Variants in BMAL1 observed in about 807,000 individuals in gnomAD.
BMAL1 encodes basic helix-loop-helix ARNT like 1, also known as basic helix-loop-helix ARNT-like protein 1.
chr11:13,356,703 AT>A, the BMAL1 span: 1 of 1,613,170 alleles, frequency 6.2e-7, no homozygotes, highest in Non-Finnish European at 8.5e-7. Context: ...GTATGTCTTT[AT>A]TAACATGCAG....
the BMAL1 span, among the ~76,000 whole-genome samples, chr11:13,302,189 G>T: frequency 6.6e-6 from 1 of 152,154 alleles, no homozygotes; most frequent in African/African-American, 2.4e-5. Context: ...TGTCAGTGAG[G>T]CCCAGAGCTG....
chr11:13,381,857 A>T, the BMAL1 span, among the ~76,000 whole-genome samples: 5 of 152,236 alleles, frequency 3.3e-5, no homozygotes, highest in Admixed American at 1.3e-4. Context: ...GAGAACTTAT[A>T]AGCCTAGGCC....
At chr11:13,382,798 A>G in the BMAL1 span, among the ~76,000 whole-genome samples, 1 of 152,196 alleles carries the variant, frequency 6.6e-6, no homozygotes, top group African/African-American at 2.4e-5. Flanking sequence ...GACAAGATCC[A>G]GGCTCCTCAG....
chr11:13,379,513 C>T, the BMAL1 span: 2 of 152,076 alleles, frequency 1.3e-5, no homozygotes, highest in Non-Finnish European at 2.9e-5. Flanking sequence ...AGGTTCAAAC[C>T]CTATACTTTG....
At chr11:13,372,815 AAAAAG>A in the BMAL1 span, among the ~76,000 whole-genome samples, 1 of 152,192 alleles carries the variant, frequency 6.6e-6, no homozygotes, top group African/African-American at 2.4e-5. Context: ...TGTTTCAAAA[AAAAAG>A]AGACAAATGA....
At chr11:13,322,441 C>A in the BMAL1 span, among the ~76,000 whole-genome samples, 422 of 152,302 alleles carry the variant, frequency 2.8e-3, 3 homozygotes, top group African/African-American at 9.0e-3. Flanking sequence ...AATGACAGCA[C>A]CTTATTTTTT....
chr11:13,312,022 A>G, the BMAL1 span, among the ~76,000 whole-genome samples: 1 of 152,154 alleles, frequency 6.6e-6, no homozygotes, highest in African/African-American at 2.4e-5. Flanking sequence ...TTTTGAGTGT[A>G]CCTTCTTTGG....
At chr11:13,310,574 C>T in the BMAL1 span, among the ~76,000 whole-genome samples, 4 of 152,108 alleles carry the variant, frequency 2.6e-5, no homozygotes, top group Admixed American at 6.5e-5. Flanking sequence ...TTTTTGGCTT[C>T]GTAGGCCATG....
the BMAL1 span, among the ~76,000 whole-genome samples, chr11:13,310,775 TAG>T: frequency 6.6e-6 from 1 of 152,226 alleles, no homozygotes; most frequent in East Asian, 1.9e-4. Flanking sequence ...CTAAGGCACA[TAG>T]ACTTTATCCT....
the BMAL1 span, among the ~76,000 whole-genome samples, chr11:13,323,990 T>C: frequency 6.6e-6 from 1 of 152,266 alleles, no homozygotes; most frequent in Non-Finnish European, 1.5e-5. Context: ...TCAATACATA[T>C]AATCTGTAGT....
the BMAL1 span, chr11:13,365,577 C>A: frequency 1.9e-6 from 3 of 1,613,492 alleles, no homozygotes; most frequent in Non-Finnish European, 2.5e-6. Context: ...TCTTCAAGAT[C>A]CTCAACTACA....
the BMAL1 span, among the ~76,000 whole-genome samples, chr11:13,334,959 G>A: frequency 3.3e-5 from 5 of 152,222 alleles, no homozygotes; most frequent in African/African-American, 1.2e-4. Context: ...CTCTTTGTGA[G>A]TTGCTTTCCA....
chr11:13,279,904 T>C, the BMAL1 span, among the ~76,000 whole-genome samples: 2 of 152,204 alleles, frequency 1.3e-5, no homozygotes, highest in African/African-American at 2.4e-5. Flanking sequence ...ACAGATCTGG[T>C]AGAAAAGCAC....
chr11:13,310,010 G>C, the BMAL1 span: 1 of 152,638 alleles, frequency 6.6e-6, no homozygotes, highest in Admixed American at 6.5e-5. Flanking sequence ...GAGTGTATAC[G>C]TTTGGACCCA....
At chr11:13,300,701 C>T in the BMAL1 span, among the ~76,000 whole-genome samples, 7 of 152,036 alleles carry the variant, frequency 4.6e-5, no homozygotes, top group East Asian at 5.8e-4. Context: ...ATAAGATTTC[C>T]GAGAAAAAAC....
the BMAL1 span, among the ~76,000 whole-genome samples, chr11:13,315,138 G>A: frequency 1.3e-5 from 2 of 152,164 alleles, no homozygotes; most frequent in Non-Finnish European, 2.9e-5. Context: ...GAGGTGTCCT[G>A]CAGACCAGGA....
At chr11:13,344,635 G>C in the BMAL1 span, among the ~76,000 whole-genome samples, 1 of 152,196 alleles carries the variant, frequency 6.6e-6, no homozygotes, top group African/African-American at 2.4e-5. Context: ...ATTCAGTGAA[G>C]GTCTTCTAAA....
the BMAL1 span, among the ~76,000 whole-genome samples, chr11:13,370,185 A>G: frequency 6.6e-6 from 1 of 152,094 alleles, no homozygotes; most frequent in East Asian, 1.9e-4. Flanking sequence ...ATGAAACCAC[A>G]TTCTTCTTCC....
the BMAL1 span, chr11:13,355,286 A>T: frequency 3.1e-6 from 5 of 1,613,920 alleles, no homozygotes; most frequent in African/African-American, 6.7e-5. Flanking sequence ...AGGAGATGCT[A>T]TGATTAATAT....
Sources: allele counts gnomAD v4.1 joint callset (sites outside exome capture counted in the v4.1 genomes callset), GRCh38; gene constraint gnomAD v4.1.1; transcripts MANE v1.5; gene names NCBI Gene and HGNC (gene_info 2026-07-23, HGNC 2026-07-21).